The following PIKFYVE variants were observed in gnomAD, a reference collection of about 807,000 sequenced individuals.
PIKFYVE encodes the protein 1-phosphatidylinositol 3-phosphate 5-kinase.
A neutral mutation model predicts 257.9 loss-of-function variants in PIKFYVE; 122 were observed. The ratio of observed to expected loss-of-function variants is 0.47; its 90% CI spans 0.41 to 0.55. The LOEUF (loss-of-function observed/expected upper bound fraction) is 0.55. PIKFYVE is among the 20% of genes least tolerant of loss of function. The probability of loss-of-function intolerance (pLI) is 0.00; values close to 1 mark genes in which losing one functional copy is unlikely to be tolerated. For synonymous variants in PIKFYVE, 892 were observed against 868.9 expected, an observed-to-expected ratio of 1.03 and a Z score of -0.47; for missense variants, 2,160 against 2,536.6, an observed-to-expected ratio of 0.85 and a Z score of 3.19.
Position 208,273,568 on chromosome 2 carries a change from C to A in PIKFYVE, c.173-16C>A, listed in dbSNP as rs750364676. On this transcript the variant is annotated splice_polypyrimidine_tract_variant and intron_variant, in intron 2 of 41. Transcript: ENST00000264380. ...CTCTCAGTCTTTAAATAATGCCAAGCGTTCCCTTGCTACAGAGAGAGCAGA... is the reference window on the plus strand; with the variant it reads ...CTCTCAGTCTTTAAATAATGCCAAGAGTTCCCTTGCTACAGAGAGAGCAGA... The A allele has an allele frequency of 6.2e-7, 1 of 1,614,084 alleles. No homozygotes were observed. The highest frequency in any genetic ancestry group is 1.1e-5 in the South Asian group (1 of 91,084).
At chr2:208,339,921 T>C in intron 30 of PIKFYVE, 90 bp from the exon 31 acceptor site, 1 of 1,424,858 alleles carries the variant, frequency 7.0e-7, no homozygotes. Flanking sequence ...CATATGTCCA[T>C]ATTCCGAAAG....
intron 21 of PIKFYVE, among the ~76,000 whole-genome samples, chr2:208,329,457 A>G (rs1285403281): frequency 6.6e-6 from 1 of 152,226 alleles, no homozygotes; most frequent in Non-Finnish European, 1.5e-5. Context: ...TTTAGCAAGA[A>G]CTGCTGTTTT....
chr2:208,327,239 A>G (rs181526134), intron 20 of PIKFYVE, among the ~76,000 whole-genome samples: 520 of 152,270 alleles, frequency 3.4e-3, no homozygotes, highest in Non-Finnish European at 5.8e-3. Context: ...AGTTTATACA[A>G]ATGTAGGTAT....
At chr2:208,283,967 TG>T (rs1442308859) in intron 5 of PIKFYVE, among the ~76,000 whole-genome samples, 5 of 152,232 alleles carry the variant, frequency 3.3e-5, no homozygotes, top group Non-Finnish European at 7.3e-5. Flanking sequence ...GTAGTGATTA[TG>T]GTAAAAACAT....
intron 10 of PIKFYVE, 38 bp from the exon 11 acceptor site, chr2:208,304,133 G>A: frequency 1.2e-6 from 2 of 1,609,802 alleles, no homozygotes; most frequent in Non-Finnish European, 1.7e-6. Context: ...TGTTGCCATT[G>A]AAGGCCAATT....
In PIKFYVE at chr2:208,315,259, A is replaced by T. The variant is rs1048672700; in HGVS notation, c.1893A>T (p.Ser631=). ...TGCTCCATAGTGACTCACTGTCATCATCTTGGAGGGACATCATCGTGTCAT... is the reference window on the plus strand; with the variant it reads ...TGCTCCATAGTGACTCACTGTCATCTTCTTGGAGGGACATCATCGTGTCAT... ...QQLLHSDSLS[S]SWRDIIVSLV... The change falls in exon 15 of 42, where the codon TCA becomes TCT. Residue 631 remains serine (S), a synonymous_variant. Coordinates refer to ENST00000264380, the MANE Select transcript of PIKFYVE (RefSeq NM_015040.4). 2.5e-6 allele frequency: 4 copies of T among 1,614,166 alleles called. No homozygotes were observed. The highest frequency in any genetic ancestry group is 2.5e-6 in the Non-Finnish European group (3 of 1,180,020).
chr2:208,282,105 T>C (rs758614006), intron 5 of PIKFYVE, among the ~76,000 whole-genome samples: 1 of 152,208 alleles, frequency 6.6e-6, no homozygotes, highest in Non-Finnish European at 1.5e-5. Flanking sequence ...TCTAAGATAT[T>C]AAATACTTGG....
At chr2:208,339,313 T>C in intron 29 of PIKFYVE, 105 bp from the exon 30 acceptor site, 1 of 1,364,110 alleles carries the variant, frequency 7.3e-7, no homozygotes, top group Admixed American at 1.7e-5. Context: ...AAGTAAAAAT[T>C]CTACCTTTTA....
intron 22 of PIKFYVE, among the ~76,000 whole-genome samples, chr2:208,330,129 A>G (rs1005226065): frequency 3.9e-5 from 6 of 152,160 alleles, no homozygotes; most frequent in Non-Finnish European, 7.4e-5. Flanking sequence ...TGCCCATCTA[A>G]TTACCCTACC....
chr2:208,335,650 T>A, intron 25 of PIKFYVE, 143 bp from the exon 26 acceptor site: 3 of 808,094 alleles, frequency 3.7e-6, no homozygotes, highest in Non-Finnish European at 6.1e-6. Flanking sequence ...AGGTCTTATT[T>A]ACTCTGCAAA....
At chr2:208,351,087 T>C (rs1490294022) in intron 37 of PIKFYVE, 140 bp downstream of exon 37, 1 of 1,212,304 alleles carries the variant, frequency 8.2e-7, no homozygotes, top group Admixed American at 2.3e-5. Flanking sequence ...TTATAAAGTT[T>C]TATTTAGTAG....
chr2:208,274,266 C>G (rs552090488), intron 3 of PIKFYVE, among the ~76,000 whole-genome samples: 37 of 152,362 alleles, frequency 2.4e-4, no homozygotes, highest in African/African-American at 8.4e-4. Context: ...GTCTACTACA[C>G]AGTCATCTCC....
intron 27 of PIKFYVE, 29 bp downstream of exon 27, chr2:208,336,229 ATAT>A (rs774923612): frequency 6.2e-7 from 1 of 1,612,670 alleles, no homozygotes; most frequent in South Asian, 1.1e-5. Flanking sequence ...GTTTTCTTTA[ATAT>A]TATTGCCACA....
chr2:208,342,710 T>A lies in PIKFYVE; in HGVS notation c.5027+61T>A, dbSNP rs564622130. 3.2e-5 allele frequency: 43 copies of A among 1,353,244 alleles called. No homozygotes were observed. The African/African-American group carries it at 5.7e-4, about 18-fold the overall frequency. 83.8% of individuals were successfully genotyped at this position (1,353,244 alleles called of 1,614,324 possible). A position where few individuals can be genotyped will look rare whatever the true frequency, so the allele number is the denominator to read the frequency against. On this transcript the variant is annotated intron_variant, in intron 32 of 41. Coordinates refer to ENST00000264380, the MANE Select transcript of PIKFYVE (RefSeq NM_015040.4). ...TATGTATTTTATGTATGTCTATTAA[T>A]CCCTTATTTTTGGAATCTTTCACAT...
intron 12 of PIKFYVE, among the ~76,000 whole-genome samples, chr2:208,308,519 G>GC (rs1694607240): frequency 6.6e-6 from 1 of 152,020 alleles, no homozygotes; most frequent in African/African-American, 2.4e-5. Flanking sequence ...ATGCTGTACA[G>GC]TATATCTCAA....
At chr2:208,317,208 G>T (rs1391526907) in intron 15 of PIKFYVE, among the ~76,000 whole-genome samples, 2 of 151,574 alleles carry the variant, frequency 1.3e-5, no homozygotes, top group Non-Finnish European at 2.9e-5. Flanking sequence ...CCTACAAAAT[G>T]GGAGAAAATT....
intron 14 of PIKFYVE, 120 bp from the exon 15 acceptor site, chr2:208,315,073 T>C: frequency 1.1e-6 from 1 of 945,828 alleles, no homozygotes; most frequent in Admixed American, 2.0e-5. Context: ...ACCTAGAAAA[T>C]CTTATCTGTG....
At chr2:208,269,516 C>T in intron 1 of PIKFYVE, 1 of 270,892 alleles carries the variant, frequency 3.7e-6, no homozygotes. Context: ...TGAAGCCCCT[C>T]CAGGTAGTCC....
At chr2:208,338,677 A>T (rs1306840279) in intron 29 of PIKFYVE, 109 bp downstream of exon 29, 3 of 1,051,394 alleles carry the variant, frequency 2.9e-6, no homozygotes, top group Non-Finnish European at 4.4e-6. Flanking sequence ...TTGTTCATAG[A>T]CTTCTTTTCC....
Sources: allele counts gnomAD v4.1 joint callset (sites outside exome capture counted in the v4.1 genomes callset), GRCh38; gene constraint gnomAD v4.1.1; transcripts MANE v1.5; gene names NCBI Gene and HGNC (gene_info 2026-07-23, HGNC 2026-07-21).